Variants in MAD1L1 observed in about 807,000 individuals in gnomAD.
MAD1L1 encodes mitotic spindle assembly checkpoint protein MAD1.
Under a neutral mutation model 96.9 loss-of-function variants are expected in MAD1L1, and 95 were observed. That is an observed-to-expected ratio of 0.98 (90% CI 0.83 to 1.16). The LOEUF (loss-of-function observed/expected upper bound fraction) is 1.16. Among genes scored for constraint, MAD1L1 ranks in the 50% most tolerant of loss-of-function variants. MAD1L1 has a pLI of 0.00. For missense variants in MAD1L1, 1,007 were observed against 954.4 expected, an observed-to-expected ratio of 1.06 and a Z score of -0.73; for synonymous variants, 473 against 396.6, an observed-to-expected ratio of 1.19 and a Z score of -2.29.
At chr7:2,227,737 A>T (rs1463165934) in intron 3 of MAD1L1, among the ~76,000 whole-genome samples, 1 of 152,092 alleles carries the variant, frequency 6.6e-6, no homozygotes, top group African/African-American at 2.4e-5. Context: ...CTGCCCTTCA[A>T]ACTCAGCAGC....
At chr7:2,013,522 C>T (rs1490173024) in intron 13 of MAD1L1, among the ~76,000 whole-genome samples, 1 of 152,200 alleles carries the variant, frequency 6.6e-6, no homozygotes, top group Non-Finnish European at 1.5e-5. Context: ...TCCTCGTGAG[C>T]GAAATTCGGA....
At chr7:2,191,379 T>C (rs1791708361) in intron 10 of MAD1L1, among the ~76,000 whole-genome samples, 1 of 152,138 alleles carries the variant, frequency 6.6e-6, no homozygotes, top group African/African-American at 2.4e-5. Flanking sequence ...CCTTTGGAAA[T>C]TTCTTGTTTA....
At chr7:2,015,479 G>A (rs1249429213) in intron 12 of MAD1L1, among the ~76,000 whole-genome samples, 1 of 152,226 alleles carries the variant, frequency 6.6e-6, no homozygotes, top group Admixed American at 6.5e-5. Context: ...GCTGTGTGCT[G>A]CCTCCAGACC....
rs530780205 is a variant in MAD1L1, at chr7:1,911,521, TCAGAACG to T, written c.1808-13138_1808-13132del. Among the ~76,000 whole-genome samples the T allele has an allele frequency of 5.2e-3, 792 of 152,280 alleles. 1 individual carries two copies. Among genetic ancestry groups the T allele is most frequent in the Non-Finnish European group, 5.3e-3 (360 of 68,026 alleles). On this transcript the variant is annotated intron_variant, in intron 17 of 18. Coordinates refer to ENST00000265854, the MANE Select transcript of MAD1L1 (RefSeq NM_001013836.2). ...GTCCTCCCAGACACCCCAGGCACAC[TCAGAACG>T]CATGGTGCTCATTTCTGCTGCCACA...
At chr7:1,851,069 G>A (rs1381744782) in intron 18 of MAD1L1, among the ~76,000 whole-genome samples, 1 of 152,222 alleles carries the variant, frequency 6.6e-6, no homozygotes, top group Non-Finnish European at 1.5e-5. Flanking sequence ...TGGCAGGGAG[G>A]GCAGGAAGTA....
chr7:1,878,878 A>G (rs1785527220), intron 18 of MAD1L1, among the ~76,000 whole-genome samples: 2 of 152,206 alleles, frequency 1.3e-5, no homozygotes, highest in Non-Finnish European at 2.9e-5. Context: ...TATGTTGAAA[A>G]TCCTGAAGAA....
chr7:1,855,128 C>T (rs966068463), intron 18 of MAD1L1, among the ~76,000 whole-genome samples: 7 of 152,174 alleles, frequency 4.6e-5, no homozygotes, highest in African/African-American at 1.2e-4. Context: ...GTTTGCCGGC[C>T]GACAGCTCTG....
rs750904938 is a variant in MAD1L1 at position 2,114,298 on chromosome 7, C to T, written c.1073+34854G>A. 2.6e-5 allele frequency among the ~76,000 whole-genome samples: 4 copies of T among 152,196 alleles called. No homozygotes were observed. Among genetic ancestry groups the T allele is most frequent in the Non-Finnish European group, 4.4e-5 (3 of 68,040 alleles). ...AAAGGCCATCTCAACACACCTCGGG[C>T]GGGAGAGCCCTGAGCCAGCCCACGG... On this transcript the variant is annotated intron_variant, in intron 11 of 18. Transcript: ENST00000265854. This position sits in a 1 kb window ranked among gnomAD's most constrained non-coding sequence, Gnocchi z 4.2.
chr7:1,931,188 TC>T (rs1789456274), intron 17 of MAD1L1, among the ~76,000 whole-genome samples: 1 of 111,478 alleles, frequency 9.0e-6, no homozygotes, highest in Non-Finnish European at 2.0e-5. Context: ...CGAGGGCGCG[TC>T]GTGGGGTCCA....
chr7:2,220,870 CAATT>C (rs746671409), intron 5 of MAD1L1: 18 of 1,603,948 alleles, frequency 1.1e-5, no homozygotes, highest in Middle Eastern at 1.7e-4. Flanking sequence ...CTTCCGAACT[CAATT>C]AATACGCACC....
intron 11 of MAD1L1, among the ~76,000 whole-genome samples, chr7:2,145,216 G>C (rs1442378636): frequency 6.6e-6 from 1 of 152,162 alleles, no homozygotes; most frequent in Non-Finnish European, 1.5e-5. Flanking sequence ...TCATCCCGCT[G>C]AATCCTCAAG....
At chr7:1,922,164 C>G (rs1311278628) in intron 17 of MAD1L1, among the ~76,000 whole-genome samples, 2 of 152,240 alleles carry the variant, frequency 1.3e-5, no homozygotes, top group African/African-American at 2.4e-5. Context: ...CCCAGAACCA[C>G]TAGCATCACC....
At chr7:1,818,567 T>C (rs527764944) in intron 18 of MAD1L1, among the ~76,000 whole-genome samples, 3 of 151,884 alleles carry the variant, frequency 2.0e-5, no homozygotes, top group South Asian at 2.1e-4. Flanking sequence ...TTTTGAGAGA[T>C]AGATAGACTT....
At chr7:1,933,997 A>G (rs1789631274) in intron 17 of MAD1L1, among the ~76,000 whole-genome samples, 1 of 152,162 alleles carries the variant, frequency 6.6e-6, no homozygotes. Flanking sequence ...CTCACCCGCC[A>G]ATTCCAGACT....
chr7:1,852,361 C>G (rs1246717916), intron 18 of MAD1L1, among the ~76,000 whole-genome samples: 2 of 152,176 alleles, frequency 1.3e-5, no homozygotes, highest in Admixed American at 6.5e-5. Context: ...GGGCTGGTGT[C>G]TCTGCCACCC....
chr7:1,941,165 G>A (rs991678561), intron 16 of MAD1L1, among the ~76,000 whole-genome samples: 6 of 152,222 alleles, frequency 3.9e-5, no homozygotes, highest in Non-Finnish European at 7.3e-5. Flanking sequence ...GGGGGTCAGC[G>A]GTGGTGCGCC....
chr7:2,014,783 C>T (rs529484794), intron 12 of MAD1L1, 141 bp from the exon 13 acceptor site: 22 of 913,408 alleles, frequency 2.4e-5, no homozygotes, highest in Non-Finnish European at 3.1e-5. Flanking sequence ...AGAGCCCACC[C>T]CTGAGGGCCC....
At chr7:2,084,087 C>T (rs1171140433) in intron 11 of MAD1L1, among the ~76,000 whole-genome samples, 1 of 152,254 alleles carries the variant, frequency 6.6e-6, no homozygotes, top group African/African-American at 2.4e-5. Flanking sequence ...CCAGCGGCTT[C>T]CTCTGGACAC....
chr7:1,824,025 G>A (rs1398540365), intron 18 of MAD1L1, among the ~76,000 whole-genome samples: 11 of 152,152 alleles, frequency 7.2e-5, no homozygotes, highest in African/African-American at 2.4e-4. Context: ...CGGGAAGCAA[G>A]GTCCATGAGG....
Sources: allele counts gnomAD v4.1 joint callset (sites outside exome capture counted in the v4.1 genomes callset), GRCh38; gene constraint gnomAD v4.1.1; non-coding constraint Gnocchi (gnomAD v3.1); transcripts MANE v1.5; gene names NCBI Gene and HGNC (gene_info 2026-07-23, HGNC 2026-07-21).